KCNAB1: variants seen among roughly 807,000 people sequenced by gnomAD.
The protein encoded by KCNAB1 is voltage-gated potassium channel subunit beta-1.
A neutral mutation model predicts 64.6 loss-of-function variants in KCNAB1; 35 were observed. The ratio of observed to expected loss-of-function variants is 0.54; its 90% CI spans 0.41 to 0.72. The LOEUF (loss-of-function observed/expected upper bound fraction) is 0.72, where lower values mean the gene tolerates loss of function less well. Among genes scored for constraint, KCNAB1 ranks in the 30% least tolerant of loss-of-function variants. The probability of loss-of-function intolerance (pLI) is 0.00; values close to 1 mark genes in which losing one functional copy is unlikely to be tolerated. For synonymous variants in KCNAB1, 177 were observed against 183.8 expected (o/e 0.96, Z 0.30); for missense variants, 401 against 512.9 (o/e 0.78, Z 2.11).
chr3:156,234,108 A>G (rs989975790), intron 1 of KCNAB1, among the ~76,000 whole-genome samples: 30 of 152,050 alleles, frequency 2.0e-4, no homozygotes, highest in African/African-American at 7.2e-4. Flanking sequence ...GAGCGTGGAC[A>G]CAGAAGAGAA....
chr3:156,140,346 G>A (rs539658338), intron 1 of KCNAB1, among the ~76,000 whole-genome samples: 8 of 152,262 alleles, frequency 5.3e-5, no homozygotes, highest in African/African-American at 1.9e-4. Context: ...CTTAAACAAT[G>A]CACATTAATT....
intron 1 of KCNAB1, among the ~76,000 whole-genome samples, chr3:156,294,990 A>G (rs1239389021): frequency 6.6e-6 from 1 of 152,248 alleles, no homozygotes; most frequent in Non-Finnish European, 1.5e-5. Context: ...ACCTCACTCA[A>G]CTGGTACACA....
intron 1 of KCNAB1, among the ~76,000 whole-genome samples, chr3:156,292,432 G>GT (rs1348766302): frequency 2.0e-5 from 3 of 152,200 alleles, no homozygotes; most frequent in Non-Finnish European, 4.4e-5. Flanking sequence ...GATCAGGATA[G>GT]TTTTTCAGTA....
At chr3:156,182,526 ACTT>A (rs1200656613) in intron 1 of KCNAB1, among the ~76,000 whole-genome samples, 23 of 151,810 alleles carry the variant, frequency 1.5e-4, no homozygotes, top group Admixed American at 1.4e-3. Context: ...TCAGGTGGAC[ACTT>A]CTTCTTCACC....
Position 156,228,713 on chromosome 3 carries a change from C to T in KCNAB1, c.275+107827C>T, listed in dbSNP as rs117280009. 5.0e-4 allele frequency among the ~76,000 whole-genome samples: 76 copies of T among 152,304 alleles called. 3 individuals carry two copies. In the East Asian group the frequency reaches 0.013, roughly 25 times the overall value. ...AGTTCCAGGCTTTTCTTACCCTTGA[C>T]CTAGGTTGGAGTCAATGGGGGATAG... On this transcript the variant is annotated intron_variant, in intron 1 of 13. Coordinates refer to ENST00000490337, the MANE Select transcript of KCNAB1 (RefSeq NM_172160.3).
At chr3:156,481,398 C>CA (rs1714784802) in intron 8 of KCNAB1, among the ~76,000 whole-genome samples, 1 of 143,886 alleles carries the variant, frequency 6.9e-6, no homozygotes, top group South Asian at 2.3e-4. Flanking sequence ...GAAGATGAGC[C>CA]AAACCCAGCC....
At chr3:156,418,260 T>G (rs1192365854) in intron 1 of KCNAB1, among the ~76,000 whole-genome samples, 4 of 152,200 alleles carry the variant, frequency 2.6e-5, no homozygotes, top group Non-Finnish European at 4.4e-5. Flanking sequence ...TAGAATAATA[T>G]CATATAAAGT....
chr3:156,194,863 C>T (rs1272982788), intron 1 of KCNAB1, among the ~76,000 whole-genome samples: 1 of 152,112 alleles, frequency 6.6e-6, no homozygotes, highest in Non-Finnish European at 1.5e-5. Context: ...TGGTTTGTTG[C>T]ACCCATCAAC....
intron 1 of KCNAB1, among the ~76,000 whole-genome samples, chr3:156,386,572 C>G (rs1422568305): frequency 6.6e-6 from 1 of 152,178 alleles, no homozygotes; most frequent in Non-Finnish European, 1.5e-5. Context: ...TTTAGAGAGG[C>G]AATGTGATAA....
intron 2 of KCNAB1, chr3:156,446,158 G>C (rs116119579): frequency 6.6e-6 from 1 of 152,108 alleles, no homozygotes; most frequent in South Asian, 2.1e-4. Flanking sequence ...TCAGTGGAAG[G>C]CTCAGCCCAT....
At chr3:156,131,139 CATGTGCT>C (rs762884766) in intron 1 of KCNAB1, among the ~76,000 whole-genome samples, 1 of 152,238 alleles carries the variant, frequency 6.6e-6, no homozygotes, top group Non-Finnish European at 1.5e-5. Flanking sequence ...CACTGAATGG[CATGTGCT>C]AATGTCCTGC....
intron 1 of KCNAB1, among the ~76,000 whole-genome samples, chr3:156,187,778 T>C (rs993812548): frequency 6.6e-5 from 10 of 152,264 alleles, no homozygotes; most frequent in African/African-American, 2.2e-4. Context: ...TGATTTCAAA[T>C]GCCAATCAAA....
intron 1 of KCNAB1, among the ~76,000 whole-genome samples, chr3:156,363,744 G>A (rs530196681): frequency 1.8e-4 from 27 of 152,244 alleles, no homozygotes; most frequent in East Asian, 7.7e-4. Context: ...CCAAAGTGCC[G>A]GGATTACAGG....
chr3:156,429,295 G>A (rs908756300), intron 2 of KCNAB1, among the ~76,000 whole-genome samples: 2 of 152,320 alleles, frequency 1.3e-5, no homozygotes, highest in African/African-American at 4.8e-5. Flanking sequence ...CATGGCAGCA[G>A]CCGCCCGCAG....
At chr3:156,410,019 T>C (rs1240720533) in intron 1 of KCNAB1, among the ~76,000 whole-genome samples, 1 of 152,206 alleles carries the variant, frequency 6.6e-6, no homozygotes, top group Non-Finnish European at 1.5e-5. Flanking sequence ...AGTAAGCATG[T>C]GCTGGATTAG....
At chr3:156,495,655 C>A (rs1431575640) in intron 8 of KCNAB1, among the ~76,000 whole-genome samples, 1 of 152,178 alleles carries the variant, frequency 6.6e-6, no homozygotes, top group East Asian at 1.9e-4. Context: ...TAACCTTGAA[C>A]AATTTACCCA....
intron 1 of KCNAB1, among the ~76,000 whole-genome samples, chr3:156,234,171 C>T (rs1041572679): frequency 1.3e-5 from 2 of 151,828 alleles, no homozygotes; most frequent in African/African-American, 4.8e-5. Flanking sequence ...GAGGCACCAG[C>T]ATTGAACAGT....
At chr3:156,443,439 TG>T (rs1717152285) in intron 2 of KCNAB1, among the ~76,000 whole-genome samples, 1 of 152,096 alleles carries the variant, frequency 6.6e-6, no homozygotes, top group Non-Finnish European at 1.5e-5. Context: ...GGAATCAGCA[TG>T]GGGCTGTGGA....
intron 1 of KCNAB1, among the ~76,000 whole-genome samples, chr3:156,250,815 A>G (rs1205620273): frequency 6.6e-6 from 1 of 152,238 alleles, no homozygotes; most frequent in African/African-American, 2.4e-5. Context: ...ATCTCTCTCA[A>G]TGCCCAGGCT....
Sources: gnomAD v4.1 joint callset for allele counts (sites outside exome capture counted in the v4.1 genomes callset) on GRCh38, gnomAD v4.1.1 for gene constraint, MANE v1.5 for transcripts, NCBI Gene and HGNC (gene_info 2026-07-23, HGNC 2026-07-21) for gene names.